ERBB4: variants seen among roughly 807,000 people sequenced by gnomAD.
The protein encoded by ERBB4 is receptor tyrosine-protein kinase erbB-4.
A neutral mutation model predicts 158.0 loss-of-function variants in ERBB4; 42 were observed. The observed-to-expected ratio is 0.27, with a 90% CI of 0.21 to 0.34. The LOEUF is 0.34. Ranked by LOEUF, ERBB4 falls within the 10% of genes least tolerant of loss-of-function variation. ERBB4 has a pLI of 1.00. For synonymous variants in ERBB4, 583 were observed against 558.7 expected (o/e 1.04, Z -0.61); for missense variants, 1,333 against 1,624.1 (o/e 0.82, Z 3.08).
At chr2:211,839,152 A>AGGAGG (rs1553642901) in intron 3 of ERBB4, among the ~76,000 whole-genome samples, 2 of 110,850 alleles carry the variant, frequency 1.8e-5, no homozygotes, top group African/African-American at 3.7e-5. Context: ...GGAGAGAGAG[A>AGGAGG]AGGAGGAGGA....
At chr2:212,294,370 T>TA (rs1286594220) in intron 1 of ERBB4, among the ~76,000 whole-genome samples, 2 of 152,040 alleles carry the variant, frequency 1.3e-5, no homozygotes, top group Non-Finnish European at 2.9e-5. Flanking sequence ...TAATCTTAAA[T>TA]ATATTCAAAG....
chr2:212,231,518 G>A (rs1191642648), intron 1 of ERBB4, among the ~76,000 whole-genome samples: 5 of 152,190 alleles, frequency 3.3e-5, no homozygotes, highest in African/African-American at 1.2e-4. Flanking sequence ...TGCCTTCAAA[G>A]AAACCTCTGT....
intron 1 of ERBB4, among the ~76,000 whole-genome samples, chr2:212,142,340 T>C (rs1032161181): frequency 2.0e-5 from 3 of 151,840 alleles, no homozygotes; most frequent in African/African-American, 4.8e-5. Flanking sequence ...TCAATAAATA[T>C]TTAATGAATG....
chr2:212,407,889 T>C (rs1340099229), intron 1 of ERBB4, among the ~76,000 whole-genome samples: 1 of 152,012 alleles, frequency 6.6e-6, no homozygotes, highest in African/African-American at 2.4e-5. Context: ...TATGCACTTA[T>C]TATGTACTAC....
intron 1 of ERBB4, among the ~76,000 whole-genome samples, chr2:212,507,565 G>A (rs879678175): frequency 2.0e-5 from 3 of 152,110 alleles, no homozygotes; most frequent in Admixed American, 6.5e-5. Flanking sequence ...GAGTTCGGAA[G>A]AAGTTGATTT....
intron 20 of ERBB4, among the ~76,000 whole-genome samples, chr2:211,464,139 C>T (rs2064611105): frequency 6.6e-6 from 1 of 152,152 alleles, no homozygotes; most frequent in Non-Finnish European, 1.5e-5. Context: ...GATTTAATTT[C>T]CACCTGGGCA....
At chr2:212,305,581 A>C (rs1405126708) in intron 1 of ERBB4, among the ~76,000 whole-genome samples, 4 of 151,268 alleles carry the variant, frequency 2.6e-5, no homozygotes, top group Admixed American at 2.0e-4. Context: ...AGCAAAAAAA[A>C]CCTGACTCCT....
chr2:211,793,442 C>A (rs55993178), intron 3 of ERBB4, among the ~76,000 whole-genome samples: 1 of 151,652 alleles, frequency 6.6e-6, no homozygotes, highest in African/African-American at 2.4e-5. Flanking sequence ...ACAATAGGCG[C>A]ATTTAAATAA....
chr2:211,783,093 T>A (rs1404060117), intron 4 of ERBB4, among the ~76,000 whole-genome samples: 3 of 152,182 alleles, frequency 2.0e-5, no homozygotes, highest in African/African-American at 7.2e-5. Flanking sequence ...ACATCCCTTG[T>A]AAGTTGGATT....
intron 9 of ERBB4, among the ~76,000 whole-genome samples, chr2:211,711,027 TAAAAAAA>T (rs34159396): frequency 7.1e-6 from 1 of 139,988 alleles, no homozygotes; most frequent in South Asian, 2.3e-4. Context: ...AAAAGGCAAG[TAAAAAAA>T]AAAAAACATT....
At chr2:212,112,637 C>G (rs896240748) in intron 2 of ERBB4, among the ~76,000 whole-genome samples, 2 of 152,068 alleles carry the variant, frequency 1.3e-5, no homozygotes, top group African/African-American at 4.8e-5. Context: ...CCGAGAAAGT[C>G]ATTTAATTCT....
intron 2 of ERBB4, among the ~76,000 whole-genome samples, chr2:211,986,868 T>C (rs1575476623): frequency 6.6e-6 from 1 of 152,294 alleles, no homozygotes; most frequent in South Asian, 2.1e-4. Flanking sequence ...GTTTATTTAA[T>C]ATTTACAAAG....
At chr2:212,255,902 C>A (rs987042977) in intron 1 of ERBB4, among the ~76,000 whole-genome samples, 15 of 152,020 alleles carry the variant, frequency 9.9e-5, no homozygotes, top group Non-Finnish European at 1.8e-4. Context: ...TTCACTGCAG[C>A]CTCGAACTCC....
In ERBB4 at chr2:211,828,717, T is replaced by C. The variant is rs2077156493; in HGVS notation, c.422-40558A>G. 1.3e-5 allele frequency among the ~76,000 whole-genome samples: 2 copies of C among 152,154 alleles called. 1 individual carries two copies. The highest frequency in any genetic ancestry group is 4.2e-4 in the South Asian group (2 of 4,818). On this transcript the variant is annotated intron_variant, in intron 3 of 27. Coordinates refer to ENST00000342788, the MANE Select transcript of ERBB4 (RefSeq NM_005235.3). ...GTTCAGTCTCATTATTTTACAAGGATTGAAAAGGAAGCCAGATTGGGAGTC... is the reference window on the plus strand; with the variant it reads ...GTTCAGTCTCATTATTTTACAAGGACTGAAAAGGAAGCCAGATTGGGAGTC...
chr2:211,647,090 C>A (rs2070803638), intron 16 of ERBB4, among the ~76,000 whole-genome samples: 1 of 151,584 alleles, frequency 6.6e-6, no homozygotes, highest in Non-Finnish European at 1.5e-5. Context: ...ATACATTTAT[C>A]TGTATCTTTA....
At chr2:212,357,988 A>G (rs577088418) in intron 1 of ERBB4, among the ~76,000 whole-genome samples, 10 of 151,992 alleles carry the variant, frequency 6.6e-5, no homozygotes, top group Admixed American at 2.0e-4. Flanking sequence ...CCTATTTGTC[A>G]AAGTACATTT....
intron 16 of ERBB4, among the ~76,000 whole-genome samples, chr2:211,650,233 C>A (rs936784140): frequency 1.3e-5 from 2 of 151,930 alleles, no homozygotes; most frequent in Non-Finnish European, 2.9e-5. Context: ...AAAACAGAAA[C>A]TTTGATCTCT....
rs759603522 is a variant in ERBB4 at position 211,713,577 on chromosome 2, C to T, written c.955G>A (p.Gly319Arg). The T allele has an allele frequency of 4.3e-5, 69 of 1,612,696 alleles. No homozygotes were observed. In the East Asian group the frequency reaches 1.5e-3, roughly 35 times the overall value. ...GTGCAAGGTTTACACATTTTAATCC[C>T]ATTTTCTTCTACTTCCATCTTGGAA... Reference protein sequence around the residue: ...PSSKMEVEENGIKMCKPCTDI... With the variant: ...PSSKMEVEENRIKMCKPCTDI... The change falls in exon 8 of 28, where the codon GGG becomes AGG. Residue 319 changes from glycine to arginine, a missense_variant. Physicochemically the swap from Gly to Arg is moderately radical, Grantham distance 125. Transcript: ENST00000342788.
intron 3 of ERBB4, among the ~76,000 whole-genome samples, chr2:211,921,777 T>A (rs541804106): frequency 1.3e-5 from 2 of 151,986 alleles, no homozygotes; most frequent in Non-Finnish European, 2.9e-5. Context: ...GAAGTAGTCA[T>A]GGAAAAGAGT....
Sources: gnomAD v4.1 joint callset for allele counts (sites outside exome capture counted in the v4.1 genomes callset) on GRCh38, gnomAD v4.1.1 for gene constraint, MANE v1.5 for transcripts, NCBI Gene and HGNC (gene_info 2026-07-23, HGNC 2026-07-21) for gene names.